The following RGS6 variants were observed in gnomAD, a reference collection of about 807,000 sequenced individuals.
The protein encoded by RGS6 is regulator of G protein signaling 6, also known as regulator of G-protein signaling 6.
RGS6 carries 30 observed loss-of-function variants against 78.5 expected under a neutral mutation model. The observed-to-expected ratio is 0.38, with a 90% CI of 0.29 to 0.52. The LOEUF (loss-of-function observed/expected upper bound fraction) is 0.52. Among genes scored for constraint, RGS6 ranks in the 20% least tolerant of loss-of-function variants. RGS6 has a pLI of 0.85. For missense variants in RGS6, 495 were observed against 609.7 expected (o/e 0.81, Z 1.98); for synonymous variants, 206 against 206.0 (o/e 1.00, Z 0.00).
chr14:72,078,960 C>G (rs1348404914), intron 2 of RGS6, among the ~76,000 whole-genome samples: 2 of 151,842 alleles, frequency 1.3e-5, no homozygotes, highest in Non-Finnish European at 2.9e-5. Context: ...CTCTTTTAAC[C>G]CTATTAATTT....
At chr14:72,088,471 G>A (rs1314758438) in intron 2 of RGS6, among the ~76,000 whole-genome samples, 1 of 152,096 alleles carries the variant, frequency 6.6e-6, no homozygotes, top group Non-Finnish European at 1.5e-5. Context: ...CAGAAGTGGG[G>A]CTTCATTTGA....
the RGS6 span, among the ~76,000 whole-genome samples, chr14:71,909,996 T>G: frequency 6.6e-6 from 1 of 152,116 alleles, no homozygotes; most frequent in Admixed American, 6.5e-5. Context: ...GAGACCAGCC[T>G]GGGCAACATG....
intron 2 of RGS6, among the ~76,000 whole-genome samples, chr14:72,163,557 C>T (rs2096881969): frequency 6.6e-6 from 1 of 152,192 alleles, no homozygotes; most frequent in Non-Finnish European, 1.5e-5. Flanking sequence ...GGGGAAAACC[C>T]AGACAAGAGA....
chr14:72,347,247 C>G (rs779926264), intron 2 of RGS6, among the ~76,000 whole-genome samples: 1 of 152,178 alleles, frequency 6.6e-6, no homozygotes. Context: ...GTCAGGAAAA[C>G]GTAAGTCTCT....
At chr14:71,996,879 G>A (rs1788048872) in intron 2 of RGS6, among the ~76,000 whole-genome samples, 1 of 152,122 alleles carries the variant, frequency 6.6e-6, no homozygotes, top group African/African-American at 2.4e-5. Flanking sequence ...CTGCAGTTCT[G>A]GGAACTGTTA....
rs572949528 is a variant in RGS6, at chr14:72,182,376, G to T, written c.85-169719G>T. 6.2e-5 allele frequency among the ~76,000 whole-genome samples: 9 copies of T among 145,734 alleles called. 1 individual carries two copies. The South Asian group carries it at 1.7e-3, about 28-fold the overall frequency. ...AATCGCTTGAACCCGGGAGGCGGAG[G>T]TTGCTGTGAGTCGAGATCGTGCCAA... On this transcript the variant is annotated intron_variant, in intron 2 of 17. Coordinates refer to ENST00000553525, the MANE Select transcript of RGS6 (RefSeq NM_001204424.2).
chr14:72,609,931 G>A, the RGS6 span, among the ~76,000 whole-genome samples: 19 of 152,220 alleles, frequency 1.2e-4, no homozygotes, highest in Admixed American at 5.2e-4. Context: ...GCAATGCGGC[G>A]TTGGGTCCCA....
At chr14:72,350,388 G>A (rs2078888507) in intron 2 of RGS6, among the ~76,000 whole-genome samples, 1 of 152,130 alleles carries the variant, frequency 6.6e-6, no homozygotes, top group African/African-American at 2.4e-5. Flanking sequence ...AGTTGCAAAG[G>A]TTGGTTAACC....
the RGS6 span, chr14:72,629,711 G>A: frequency 1.8e-5 from 27 of 1,535,952 alleles, no homozygotes; most frequent in African/African-American, 9.6e-5. Context: ...TCATGTTCAG[G>A]GTAAACTGCA....
the RGS6 span, among the ~76,000 whole-genome samples, chr14:72,590,071 C>T: frequency 6.6e-6 from 1 of 152,158 alleles, no homozygotes; most frequent in African/African-American, 2.4e-5. Flanking sequence ...CAGAGAAATG[C>T]AAATTAAACC....
chr14:72,411,165 T>A (rs1410987361), intron 3 of RGS6, among the ~76,000 whole-genome samples: 5 of 152,210 alleles, frequency 3.3e-5, no homozygotes, highest in Non-Finnish European at 7.3e-5. Flanking sequence ...TTGGGCGGTA[T>A]GGCCATTTTC....
At chr14:72,374,208 T>C (rs2084126472) in intron 3 of RGS6, among the ~76,000 whole-genome samples, 1 of 152,130 alleles carries the variant, frequency 6.6e-6, no homozygotes, top group Non-Finnish European at 1.5e-5. Context: ...TCATTTATAT[T>C]AGGTATTTCT....
the RGS6 span, among the ~76,000 whole-genome samples, chr14:71,899,102 G>A: frequency 0.052 from 7,907 of 152,116 alleles, 504 homozygotes; most frequent in African/African-American, 0.14. Context: ...TCAAAAAAGC[G>A]CATCTTCCCC....
At chr14:72,021,289 G>A (rs183255537) in intron 2 of RGS6, among the ~76,000 whole-genome samples, 1 of 152,100 alleles carries the variant, frequency 6.6e-6, no homozygotes, top group Admixed American at 6.5e-5. Context: ...GAATTCCTGT[G>A]CCAGCCTCCT....
At chr14:72,443,030 G>A (rs2283380) in intron 3 of RGS6, among the ~76,000 whole-genome samples, 66,310 of 151,962 alleles carry the variant, frequency 0.44, 15,379 homozygotes, top group East Asian at 0.76. Context: ...GTCCAGGGCT[G>A]GAAAACCTGT....
intron 2 of RGS6, among the ~76,000 whole-genome samples, chr14:72,144,629 T>A (rs1490260330): frequency 6.6e-6 from 1 of 152,226 alleles, no homozygotes; most frequent in African/African-American, 2.4e-5. Flanking sequence ...TCCACTCAGC[T>A]AATATTTATT....
At chr14:72,547,298 TGTGG>T in intron 17 of RGS6, 1 of 1,535,584 alleles carries the variant, frequency 6.5e-7, no homozygotes. Context: ...CAACTCTGCC[TGTGG>T]TCCAGACTGG....
In RGS6 at chr14:72,519,811, G is replaced by T. The variant is rs370715998; in HGVS notation, c.1278+1274G>T. 4.6e-5 allele frequency among the ~76,000 whole-genome samples: 7 copies of T among 152,310 alleles called. No individual in the cohort carries two copies. The South Asian group carries it at 1.4e-3, about 32-fold the overall frequency. ...AGAGTGACAGGGGAGTTCCGTGGGG[G>T]TTCCCTGCATGAACAAGCTGAAGCT... On this transcript the variant is annotated intron_variant, in intron 15 of 17. Coordinates refer to ENST00000553525, the MANE Select transcript of RGS6 (RefSeq NM_001204424.2).
intron 2 of RGS6, among the ~76,000 whole-genome samples, chr14:72,270,056 C>T (rs1175589710): frequency 6.6e-6 from 1 of 152,198 alleles, no homozygotes; most frequent in Non-Finnish European, 1.5e-5. Flanking sequence ...AAACTTGCAA[C>T]TCAAGCCCTG....
Sources: gnomAD v4.1 joint callset for allele counts (sites outside exome capture counted in the v4.1 genomes callset) on GRCh38, gnomAD v4.1.1 for gene constraint, MANE v1.5 for transcripts, NCBI Gene and HGNC (gene_info 2026-07-23, HGNC 2026-07-21) for gene names.